The following TMEM132C variants were observed in gnomAD, a reference collection of about 807,000 sequenced individuals.
The protein encoded by TMEM132C is transmembrane protein 132C.
TMEM132C carries 29 observed loss-of-function variants against 61.4 expected under a neutral mutation model. That is an observed-to-expected ratio of 0.47 (90% CI 0.35 to 0.64). The LOEUF is 0.64. Ranked by LOEUF, TMEM132C falls within the 30% of genes least tolerant of loss-of-function variation. The pLI, the probability that TMEM132C is intolerant of heterozygous loss-of-function variation, is 0.00. For synonymous variants in TMEM132C, 656 were observed against 633.1 expected, an observed-to-expected ratio of 1.04 and a Z score of -0.54; for missense variants, 1,408 against 1,476.9, an observed-to-expected ratio of 0.95 and a Z score of 0.76.
chr12:128,615,185 A>G (rs367850059), intron 3 of TMEM132C, among the ~76,000 whole-genome samples: 6 of 152,286 alleles, frequency 3.9e-5, no homozygotes, highest in Middle Eastern at 3.4e-3. Context: ...GAGGACAAGC[A>G]GAGGGGGTTG....
At chr12:128,516,157 T>C (rs777583881) in intron 2 of TMEM132C, among the ~76,000 whole-genome samples, 4 of 152,050 alleles carry the variant, frequency 2.6e-5, no homozygotes, top group Non-Finnish European at 5.9e-5. Context: ...ATTTAAAAAA[T>C]AATAAAATAA....
chr12:128,410,980 T>C (rs1471848263), intron 1 of TMEM132C, among the ~76,000 whole-genome samples: 1 of 152,210 alleles, frequency 6.6e-6, no homozygotes, highest in Admixed American at 6.5e-5. Context: ...TTTTGATGAG[T>C]ATAGGCCAAT....
chr12:128,360,432 T>C (rs1873666150), intron 1 of TMEM132C, among the ~76,000 whole-genome samples: 1 of 152,140 alleles, frequency 6.6e-6, no homozygotes, highest in African/African-American at 2.4e-5. Flanking sequence ...ACCCCTGAAA[T>C]GTGGCTAGTT....
rs141110553 is a variant in TMEM132C, at chr12:128,677,141, A to G, written c.1449+7581A>G. On this transcript the variant is annotated intron_variant, in intron 5 of 8. Transcript: ENST00000435159. ...ATCTATGGGGTCCAAGCTTTAAAAC[A>G]TCTTTGACATAAAGCTGTGTCTTGC... 3.9e-5 allele frequency among the ~76,000 whole-genome samples: 6 copies of G among 152,226 alleles called. No individual in the cohort carries two copies. In the South Asian group the frequency reaches 1.0e-3, roughly 26 times the overall value.
chr12:128,290,255 T>G (rs1871208478), intron 1 of TMEM132C, among the ~76,000 whole-genome samples: 1 of 152,198 alleles, frequency 6.6e-6, no homozygotes, highest in South Asian at 2.1e-4. Context: ...TTCTGCAGGC[T>G]TAATAGAAAG....
rs551490843 is a variant in TMEM132C, at chr12:128,333,152, ATGTGTGTTGTG to A, written c.85+65681_85+65691del. 8.0e-4 allele frequency among the ~76,000 whole-genome samples: 121 copies of A among 151,252 alleles called. 2 individuals are homozygous for A. The East Asian group carries it at 0.013, about 16-fold the overall frequency. On this transcript the variant is annotated intron_variant, in intron 1 of 8. Coordinates refer to ENST00000435159, the MANE Select transcript of TMEM132C (RefSeq NM_001136103.3). ...TTTTTATGTGTATGTGTGTGCATGT[ATGTGTGTTGTG>A]TGTGTGTTGTGTGTGGGAGTGTGTG...
At chr12:128,518,029 T>C (rs1384209395) in intron 2 of TMEM132C, among the ~76,000 whole-genome samples, 1 of 152,228 alleles carries the variant, frequency 6.6e-6, no homozygotes, top group Admixed American at 6.5e-5. Flanking sequence ...AATTCAGGTA[T>C]AGCAGAAGTC....
intron 1 of TMEM132C, among the ~76,000 whole-genome samples, chr12:128,337,736 C>G (rs1872827286): frequency 6.6e-6 from 1 of 152,144 alleles, no homozygotes; most frequent in African/African-American, 2.4e-5. Context: ...CTTGCTGTTT[C>G]TTTTCTTTGG....
intron 1 of TMEM132C, among the ~76,000 whole-genome samples, chr12:128,352,832 G>T (rs1448738966): frequency 6.6e-6 from 1 of 152,180 alleles, no homozygotes; most frequent in Non-Finnish European, 1.5e-5. Flanking sequence ...CCAGGGCCAG[G>T]GCAAAGTTGT....
At chr12:128,518,272 T>C (rs1872784674) in intron 2 of TMEM132C, among the ~76,000 whole-genome samples, 2 of 152,222 alleles carry the variant, frequency 1.3e-5, no homozygotes, top group Admixed American at 1.3e-4. Flanking sequence ...AGATATATAT[T>C]CTAGGAGTCT....
chr12:128,459,960 G>T (rs1299855730), intron 2 of TMEM132C, among the ~76,000 whole-genome samples: 1 of 151,892 alleles, frequency 6.6e-6, no homozygotes, highest in African/African-American at 2.4e-5. Context: ...CCTCCGAGTG[G>T]TATCCAGCAA....
chr12:128,350,613 G>A (rs1565909193), intron 1 of TMEM132C, among the ~76,000 whole-genome samples: 2 of 152,074 alleles, frequency 1.3e-5, no homozygotes, highest in African/African-American at 4.8e-5. Context: ...TGGGAAAGGG[G>A]TGGGGGATGC....
chr12:128,521,467 C>G (rs1285815147), intron 2 of TMEM132C, among the ~76,000 whole-genome samples: 11 of 150,460 alleles, frequency 7.3e-5, no homozygotes, highest in Non-Finnish European at 3.0e-5. Flanking sequence ...CCCCCACCCC[C>G]CAACAGGCCC....
intron 2 of TMEM132C, among the ~76,000 whole-genome samples, chr12:128,481,099 G>T (rs1871304118): frequency 6.6e-6 from 1 of 152,170 alleles, no homozygotes; most frequent in Non-Finnish European, 1.5e-5. Context: ...AGGCCTGTGT[G>T]TGGTCAGTTC....
intron 2 of TMEM132C, among the ~76,000 whole-genome samples, chr12:128,492,702 G>GT (rs1355673595): frequency 1.3e-5 from 2 of 152,086 alleles, no homozygotes; most frequent in African/African-American, 4.8e-5. Context: ...GGGGTTGTTT[G>GT]TTTTTTTCTT....
At chr12:128,383,504 C>T (rs932509864) in intron 1 of TMEM132C, among the ~76,000 whole-genome samples, 3 of 152,126 alleles carry the variant, frequency 2.0e-5, no homozygotes, top group Non-Finnish European at 2.9e-5. Context: ...ACTGGGAATC[C>T]CTGGGTGTCC....
At chr12:128,389,915 G>C (rs772339097) in intron 1 of TMEM132C, among the ~76,000 whole-genome samples, 5 of 152,198 alleles carry the variant, frequency 3.3e-5, no homozygotes, top group Non-Finnish European at 7.3e-5. Flanking sequence ...GTCTTGTTCT[G>C]TCACCCATGC....
intron 4 of TMEM132C, among the ~76,000 whole-genome samples, chr12:128,625,509 T>G (rs1007329318): frequency 6.6e-6 from 1 of 152,184 alleles, no homozygotes; most frequent in African/African-American, 2.4e-5. Context: ...TGGGGAGGCC[T>G]CACAATCATG....
chr12:128,397,739 A>T (rs1261385151), intron 1 of TMEM132C, among the ~76,000 whole-genome samples: 1 of 151,862 alleles, frequency 6.6e-6, no homozygotes, highest in East Asian at 1.9e-4. Context: ...CTCTCCTCAC[A>T]TGGCCACCTT....
Sources: gnomAD v4.1 joint callset for allele counts (sites outside exome capture counted in the v4.1 genomes callset) on GRCh38, gnomAD v4.1.1 for gene constraint, MANE v1.5 for transcripts, NCBI Gene and HGNC (gene_info 2026-07-23, HGNC 2026-07-21) for gene names.